SUPT3H: variants seen among roughly 807,000 people sequenced by gnomAD.
SUPT3H encodes transcription initiation protein SPT3 homolog.
In SUPT3H, 44 loss-of-function variants were observed where a neutral mutation model predicts 44.3. That is an observed-to-expected ratio of 0.99 (90% CI 0.78 to 1.28). The LOEUF is 1.28. Among genes scored for constraint, SUPT3H ranks in the 50% most tolerant of loss-of-function variants. The probability of loss-of-function intolerance (pLI) is 0.00; values close to 1 mark genes in which losing one functional copy is unlikely to be tolerated. For missense variants in SUPT3H, 380 were observed against 387.1 expected (o/e 0.98, Z 0.15); for synonymous variants, 124 against 125.6 (o/e 0.99, Z 0.09).
intron 11 of SUPT3H, among the ~76,000 whole-genome samples, chr6:44,816,376 AG>A (rs1207576398): frequency 6.6e-6 from 1 of 152,224 alleles, no homozygotes; most frequent in Non-Finnish European, 1.5e-5. Flanking sequence ...AACTTAGATA[AG>A]GGACAAATAA....
At chr6:44,941,740 C>T (rs1299342050) in intron 9 of SUPT3H, among the ~76,000 whole-genome samples, 1 of 152,104 alleles carries the variant, frequency 6.6e-6, no homozygotes, top group South Asian at 2.1e-4. Flanking sequence ...AATAGTATTA[C>T]AGATATAACT....
At chr6:45,038,031 T>C (rs1787948628) in intron 3 of SUPT3H, among the ~76,000 whole-genome samples, 1 of 152,188 alleles carries the variant, frequency 6.6e-6, no homozygotes, top group South Asian at 2.1e-4. Flanking sequence ...CTGGGGCTCA[T>C]AGACTTTCTG....
intron 2 of SUPT3H, among the ~76,000 whole-genome samples, chr6:45,336,877 G>C (rs965639087): frequency 6.6e-6 from 1 of 151,282 alleles, no homozygotes; most frequent in Non-Finnish European, 1.5e-5. Flanking sequence ...TTTTGATCCA[G>C]AAACATCTTA....
intron 6 of SUPT3H, among the ~76,000 whole-genome samples, chr6:44,993,857 G>T (rs1780922736): frequency 6.6e-6 from 1 of 152,006 alleles, no homozygotes; most frequent in African/African-American, 2.4e-5. Flanking sequence ...AACTAACCTT[G>T]ACGTATTACA....
At chr6:45,185,297 G>A (rs576617392) in intron 2 of SUPT3H, among the ~76,000 whole-genome samples, 1 of 152,296 alleles carries the variant, frequency 6.6e-6, no homozygotes, top group East Asian at 1.9e-4. Context: ...TACCAGACAG[G>A]AACAAAGAGA....
rs188295273 is a variant in SUPT3H at position 44,834,626 on chromosome 6, T to C, written c.913-4769A>G. ...TGAATTCCTCTGGCCCCATTCTTAA[T>C]TTAACAGATGAAAAAACTAATGCCC... On this transcript the variant is annotated intron_variant, in intron 10 of 10. Coordinates refer to ENST00000371459, the MANE Select transcript of SUPT3H (RefSeq NM_003599.4). Among the ~76,000 whole-genome samples the C allele has an allele frequency of 3.3e-3, 500 of 152,302 alleles. 13 individuals are homozygous for C. Among genetic ancestry groups the C allele is most frequent in the Admixed American group, 0.029 (447 of 15,292 alleles).
At chr6:45,357,141 G>A (rs1793360115) in intron 2 of SUPT3H, among the ~76,000 whole-genome samples, 1 of 152,072 alleles carries the variant, frequency 6.6e-6, no homozygotes, top group East Asian at 1.9e-4. Context: ...AGAGTAGCTG[G>A]GACTACAGGC....
At chr6:44,851,452 A>G (rs1389107414) in intron 10 of SUPT3H, among the ~76,000 whole-genome samples, 2 of 152,194 alleles carry the variant, frequency 1.3e-5, no homozygotes, top group Non-Finnish European at 2.9e-5. Context: ...AAGGAAATAA[A>G]TCCAACTTCA....
At chr6:44,926,408 G>C (rs1263628037) in intron 10 of SUPT3H, among the ~76,000 whole-genome samples, 1 of 151,774 alleles carries the variant, frequency 6.6e-6, no homozygotes. Flanking sequence ...TGGAGAACTG[G>C]GAAAAATACC....
intron 2 of SUPT3H, among the ~76,000 whole-genome samples, chr6:45,205,741 G>A (rs1763124909): frequency 6.6e-6 from 1 of 152,004 alleles, no homozygotes; most frequent in South Asian, 2.1e-4. Context: ...AGGCTGCAGT[G>A]AGCCAAGATT....
At chr6:44,951,285 T>C (rs1562118039) in intron 9 of SUPT3H, among the ~76,000 whole-genome samples, 1 of 151,988 alleles carries the variant, frequency 6.6e-6, no homozygotes, top group African/African-American at 2.4e-5. Flanking sequence ...AGTCACTCAT[T>C]TGGAAACCAG....
chr6:45,141,434 ATAAG>A (rs1805192323), intron 2 of SUPT3H, among the ~76,000 whole-genome samples: 2 of 151,674 alleles, frequency 1.3e-5, no homozygotes, highest in African/African-American at 2.4e-5. Flanking sequence ...AGCAACTTAA[ATAAG>A]TTTTTTTTAA....
intron 3 of SUPT3H, among the ~76,000 whole-genome samples, chr6:45,042,284 A>AT (rs1788660760): frequency 6.6e-6 from 1 of 152,036 alleles, no homozygotes; most frequent in Non-Finnish European, 1.5e-5. Flanking sequence ...TTAGCTGGGC[A>AT]TTTTGGCAGG....
chr6:45,178,650 A>T (rs1812495717), intron 2 of SUPT3H, among the ~76,000 whole-genome samples: 1 of 152,162 alleles, frequency 6.6e-6, no homozygotes, highest in Admixed American at 6.6e-5. Context: ...TCCAAAATTG[A>T]CCACATAGTT....
chr6:44,833,772 C>A (rs936732538), intron 10 of SUPT3H, among the ~76,000 whole-genome samples: 2 of 152,068 alleles, frequency 1.3e-5, no homozygotes, highest in African/African-American at 4.8e-5. Flanking sequence ...ACAAAACAAA[C>A]CAGACAGTCC....
At chr6:45,221,158 G>A (rs949183101) in intron 2 of SUPT3H, among the ~76,000 whole-genome samples, 1 of 152,238 alleles carries the variant, frequency 6.6e-6, no homozygotes, top group African/African-American at 2.4e-5. Flanking sequence ...TCACTCATAG[G>A]TGGGAACTGA....
intron 3 of SUPT3H, among the ~76,000 whole-genome samples, chr6:45,044,792 C>A (rs1789115631): frequency 6.6e-6 from 1 of 152,080 alleles, no homozygotes; most frequent in Non-Finnish European, 1.5e-5. Context: ...GTCTTAGATT[C>A]TTGGATGGGA....
chr6:45,104,702 A>T (rs957711199), intron 3 of SUPT3H, among the ~76,000 whole-genome samples: 6 of 152,106 alleles, frequency 3.9e-5, no homozygotes, highest in Non-Finnish European at 8.8e-5. Flanking sequence ...AAGATGAAAT[A>T]GTTAAAAAAA....
At chr6:45,179,018 T>C (rs987899880) in intron 2 of SUPT3H, among the ~76,000 whole-genome samples, 4 of 151,930 alleles carry the variant, frequency 2.6e-5, no homozygotes, top group African/African-American at 7.3e-5. Context: ...AAGAATCAAA[T>C]AGACGCAATA....
Sources: gnomAD v4.1 joint callset for allele counts (sites outside exome capture counted in the v4.1 genomes callset) on GRCh38, gnomAD v4.1.1 for gene constraint, MANE v1.5 for transcripts, NCBI Gene and HGNC (gene_info 2026-07-23, HGNC 2026-07-21) for gene names.